Variants in KCNMA1 observed in about 807,000 individuals in gnomAD.
The protein encoded by KCNMA1 is potassium calcium-activated channel subfamily M alpha 1, also known as Calcium-activated potassium channel subunit alpha-1.
KCNMA1 carries 29 observed loss-of-function variants against 140.0 expected under a neutral mutation model. The ratio of observed to expected loss-of-function variants is 0.21; its 90% CI spans 0.15 to 0.28. The LOEUF is 0.28. KCNMA1 is among the 10% of genes least tolerant of loss of function. KCNMA1 has a pLI of 1.00. For synonymous variants in KCNMA1, 612 were observed against 611.9 expected, an observed-to-expected ratio of 1.00 and a Z score of 0.00; for missense variants, 880 against 1,602.2, an observed-to-expected ratio of 0.55 and a Z score of 7.70.
chr10:77,031,903 A>G (rs1416049669), intron 15 of KCNMA1, among the ~76,000 whole-genome samples: 2 of 152,194 alleles, frequency 1.3e-5, no homozygotes, highest in African/African-American at 2.4e-5. Flanking sequence ...GTAGAATCTC[A>G]TGACTGGCTG....
At chr10:77,075,246 C>T (rs1323761994) in intron 13 of KCNMA1, among the ~76,000 whole-genome samples, 4 of 152,228 alleles carry the variant, frequency 2.6e-5, no homozygotes, top group Admixed American at 2.6e-4. Context: ...ATTCCTTCCT[C>T]TCCCTACTCT....
chr10:77,312,424 G>A (rs2079558556), intron 2 of KCNMA1, among the ~76,000 whole-genome samples: 1 of 152,154 alleles, frequency 6.6e-6, no homozygotes, highest in African/African-American at 2.4e-5. Flanking sequence ...TCAGGAGTTC[G>A]AGACCAGCCT....
chr10:77,179,525 C>G (rs1169237634), intron 5 of KCNMA1, among the ~76,000 whole-genome samples: 1 of 152,120 alleles, frequency 6.6e-6, no homozygotes, highest in Non-Finnish European at 1.5e-5. Context: ...CCCTCTCTTC[C>G]TGCCTGGAGT....
intron 9 of KCNMA1, among the ~76,000 whole-genome samples, chr10:77,102,757 C>A (rs1196105926): frequency 1.3e-5 from 2 of 152,184 alleles, no homozygotes; most frequent in African/African-American, 4.8e-5. Context: ...ACTACTTTAT[C>A]CAGTGTAACT....
At chr10:77,269,139 C>T (rs1418307720) in intron 2 of KCNMA1, among the ~76,000 whole-genome samples, 2 of 152,112 alleles carry the variant, frequency 1.3e-5, no homozygotes, top group African/African-American at 2.4e-5. Context: ...CCCCTTTCCC[C>T]GAAAAGTATT....
At chr10:76,884,126 T>C (rs2035791523), downstream of KCNMA1, 1 of 257,976 alleles carries the variant, frequency 3.9e-6, no homozygotes, top group African/African-American at 2.3e-5. Context: ...AAAACGCACT[T>C]CGGATTTACT....
chr10:77,539,592 T>G (rs1238061860), intron 1 of KCNMA1, among the ~76,000 whole-genome samples: 1 of 152,136 alleles, frequency 6.6e-6, no homozygotes. Flanking sequence ...TCCTGGCCCC[T>G]GCTATTTTGG....
intron 1 of KCNMA1, among the ~76,000 whole-genome samples, chr10:77,507,120 A>T (rs905721974): frequency 6.6e-6 from 1 of 152,206 alleles, no homozygotes. Flanking sequence ...TTGTTTCCAT[A>T]GTCTATAAAA....
intron 5 of KCNMA1, among the ~76,000 whole-genome samples, chr10:77,132,124 C>T (rs1331576973): frequency 1.3e-5 from 2 of 152,148 alleles, no homozygotes; most frequent in Non-Finnish European, 2.9e-5. Context: ...ACAAAAAATG[C>T]TTTAGAAAAA....
chr10:77,047,983 T>C (rs1186991861), intron 14 of KCNMA1, among the ~76,000 whole-genome samples: 2 of 151,922 alleles, frequency 1.3e-5, no homozygotes, highest in African/African-American at 4.8e-5. Flanking sequence ...TTTTGCAAAA[T>C]CTAATAAAAA....
chr10:77,052,040 T>C (rs2095387317), intron 14 of KCNMA1, among the ~76,000 whole-genome samples: 1 of 152,202 alleles, frequency 6.6e-6, no homozygotes, highest in South Asian at 2.1e-4. Flanking sequence ...ATGATGCTGA[T>C]GATGCTGATG....
intron 1 of KCNMA1, among the ~76,000 whole-genome samples, chr10:77,406,767 G>A (rs942504580): frequency 6.6e-5 from 10 of 152,228 alleles, no homozygotes; most frequent in South Asian, 2.1e-4. Flanking sequence ...CAGGGAGATC[G>A]TCCCACATCT....
chr10:77,631,577 T>C (rs2093208963), intron 1 of KCNMA1, among the ~76,000 whole-genome samples: 1 of 152,184 alleles, frequency 6.6e-6, no homozygotes, highest in African/African-American at 2.4e-5. Context: ...AAGGAGGTCC[T>C]GGCATTGCAA....
At chr10:77,248,040 A>G (rs2058937381) in intron 3 of KCNMA1, among the ~76,000 whole-genome samples, 1 of 152,128 alleles carries the variant, frequency 6.6e-6, no homozygotes, top group South Asian at 2.1e-4. Context: ...GCCAAAAATG[A>G]AAGGTGTGCA....
chr10:77,274,106 C>G (rs1197050108), intron 2 of KCNMA1, among the ~76,000 whole-genome samples: 3 of 152,142 alleles, frequency 2.0e-5, no homozygotes, highest in African/African-American at 2.4e-5. Context: ...CCTCTTGCCA[C>G]TGTTTACCAT....
At chr10:77,012,473 G>C (rs888832545) in intron 17 of KCNMA1, 1 of 1,550,108 alleles carries the variant, frequency 6.5e-7, no homozygotes, top group Non-Finnish European at 8.7e-7. Flanking sequence ...GAAGTATGTC[G>C]TTTCTCAGTC....
At chr10:77,165,006 A>C (rs759685452) in intron 5 of KCNMA1, among the ~76,000 whole-genome samples, 2 of 152,206 alleles carry the variant, frequency 1.3e-5, no homozygotes, top group Non-Finnish European at 2.9e-5. Context: ...ACATGCCATA[A>C]TAGAAAGAAA....
chr10:76,889,358 G>GCC, intron 27 of KCNMA1, 93 bp downstream of exon 27: 2 of 852,894 alleles, frequency 2.3e-6, no homozygotes, highest in Non-Finnish European at 4.0e-6. Flanking sequence ...TTGAGGAGAT[G>GCC]TATACAGACC....
At chr10:77,520,659 G>T (rs2053052304) in intron 1 of KCNMA1, among the ~76,000 whole-genome samples, 1 of 152,092 alleles carries the variant, frequency 6.6e-6, no homozygotes. Context: ...ATATCCAGCA[G>T]CCACCCCAGG....
Sources: gnomAD v4.1 joint callset for allele counts (sites outside exome capture counted in the v4.1 genomes callset) on GRCh38, gnomAD v4.1.1 for gene constraint, MANE v1.5 for transcripts, NCBI Gene and HGNC (gene_info 2026-07-23, HGNC 2026-07-21) for gene names.